Variants in MCTP1 observed in about 807,000 individuals in gnomAD.
The protein encoded by MCTP1 is multiple C2 and transmembrane domain-containing protein 1.
In MCTP1, 69 loss-of-function variants were observed where a neutral mutation model predicts 120.6. The observed-to-expected ratio is 0.57, with a 90% CI of 0.47 to 0.70. The LOEUF (loss-of-function observed/expected upper bound fraction) is 0.70, where lower values mean the gene tolerates loss of function less well. MCTP1 is among the 30% of genes least tolerant of loss of function. The pLI is 0.00. For synonymous variants in MCTP1, 529 were observed against 493.1 expected, an observed-to-expected ratio of 1.07 and a Z score of -0.96; for missense variants, 1,203 against 1,248.8, an observed-to-expected ratio of 0.96 and a Z score of 0.55.
intron 20 of MCTP1, among the ~76,000 whole-genome samples, chr5:94,712,237 T>C (rs970850608): frequency 1.3e-5 from 2 of 152,138 alleles, no homozygotes; most frequent in African/African-American, 4.8e-5. Context: ...GTAATATGTT[T>C]ATGTGAATCA....
At chr5:94,898,714 A>G (rs1040494381) in intron 10 of MCTP1, among the ~76,000 whole-genome samples, 1 of 152,260 alleles carries the variant, frequency 6.6e-6, no homozygotes, top group Admixed American at 6.5e-5. Flanking sequence ...AAAAGCATCA[A>G]AACAAATTTA....
At chr5:95,028,451 T>C (rs756069950) in intron 1 of MCTP1, among the ~76,000 whole-genome samples, 4 of 152,142 alleles carry the variant, frequency 2.6e-5, no homozygotes, top group Non-Finnish European at 4.4e-5. Context: ...ACCCAATAAA[T>C]GGCAACATTT....
At chr5:94,741,668 A>G (rs1009110782) in intron 19 of MCTP1, among the ~76,000 whole-genome samples, 2 of 152,272 alleles carry the variant, frequency 1.3e-5, no homozygotes, top group Non-Finnish European at 2.9e-5. Flanking sequence ...TAATAATTAA[A>G]TAATAGCAGC....
chr5:95,123,116 G>A (rs1354925736), intron 1 of MCTP1, among the ~76,000 whole-genome samples: 2 of 152,138 alleles, frequency 1.3e-5, no homozygotes, highest in Non-Finnish European at 2.9e-5. Flanking sequence ...AACTCAAGGA[G>A]TATAATTAAA....
chr5:94,773,902 C>T (rs992153731), intron 19 of MCTP1, among the ~76,000 whole-genome samples: 8 of 151,794 alleles, frequency 5.3e-5, no homozygotes, highest in East Asian at 1.9e-4. Flanking sequence ...TGTGCGGACA[C>T]GGCCAAATCA....
intron 1 of MCTP1, among the ~76,000 whole-genome samples, chr5:95,197,893 T>C (rs1750571197): frequency 6.6e-6 from 1 of 152,162 alleles, no homozygotes; most frequent in South Asian, 2.1e-4. Flanking sequence ...TACATTCTCC[T>C]ACGTACTTGA....
At chr5:94,735,553 A>G (rs1291887856) in intron 19 of MCTP1, among the ~76,000 whole-genome samples, 1 of 152,178 alleles carries the variant, frequency 6.6e-6, no homozygotes, top group Admixed American at 6.5e-5. Flanking sequence ...CTGGGATTAT[A>G]GGCATGAGCC....
At chr5:94,797,472 A>G (rs1211104063) in intron 18 of MCTP1, among the ~76,000 whole-genome samples, 2 of 152,212 alleles carry the variant, frequency 1.3e-5, no homozygotes, top group Non-Finnish European at 2.9e-5. Context: ...TTTCTTCCAG[A>G]AAACATCCTG....
At chr5:95,090,181 T>C (rs1050136202) in intron 1 of MCTP1, among the ~76,000 whole-genome samples, 17 of 152,384 alleles carry the variant, frequency 1.1e-4, no homozygotes, top group Middle Eastern at 3.4e-3. Flanking sequence ...TCTCTGTCAG[T>C]TACCTACTGT....
chr5:94,868,693 T>C (rs932697798), intron 16 of MCTP1, among the ~76,000 whole-genome samples: 7 of 151,986 alleles, frequency 4.6e-5, no homozygotes, highest in Admixed American at 4.6e-4. Flanking sequence ...GGACTACCTT[T>C]GCTCACAAGA....
At chr5:95,095,994 A>C (rs1756238355) in intron 1 of MCTP1, among the ~76,000 whole-genome samples, 2 of 152,162 alleles carry the variant, frequency 1.3e-5, no homozygotes, top group Non-Finnish European at 2.9e-5. Context: ...GGGAGATGGG[A>C]GTTCCACACT....
chr5:95,013,082 C>T (rs72777375), intron 2 of MCTP1, among the ~76,000 whole-genome samples: 8,885 of 152,192 alleles, frequency 0.058, 327 homozygotes, highest in Middle Eastern at 0.092. Flanking sequence ...CCCAGCCTCA[C>T]TGCTGATATA....
At chr5:94,840,684 C>T (rs159602) in intron 17 of MCTP1, among the ~76,000 whole-genome samples, 118,393 of 152,174 alleles carry the variant, frequency 0.78, 46,690 homozygotes, top group Non-Finnish European at 0.85. Flanking sequence ...GCAAGTGATT[C>T]AATCTCACTG....
At chr5:95,093,209 G>T (rs1200338807) in intron 1 of MCTP1, among the ~76,000 whole-genome samples, 1 of 152,112 alleles carries the variant, frequency 6.6e-6, no homozygotes, top group Non-Finnish European at 1.5e-5. Flanking sequence ...GTTTTTTAAT[G>T]GAAGACAAAG....
At chr5:95,201,463 G>GTTTTTTT (rs1562232022) in intron 1 of MCTP1, among the ~76,000 whole-genome samples, 4 of 120,682 alleles carry the variant, frequency 3.3e-5, no homozygotes, top group African/African-American at 6.0e-5. Context: ...AAGGAAAAGT[G>GTTTTTTT]GTTTTTTTTT....
intron 1 of MCTP1, among the ~76,000 whole-genome samples, chr5:95,212,902 A>C (rs1402625166): frequency 6.6e-6 from 1 of 152,188 alleles, no homozygotes; most frequent in Non-Finnish European, 1.5e-5. Context: ...CCCACAGCCA[A>C]TATCATACTG....
At chr5:94,977,676 A>T (rs1041623358) in intron 2 of MCTP1, among the ~76,000 whole-genome samples, 6 of 152,154 alleles carry the variant, frequency 3.9e-5, no homozygotes, top group African/African-American at 1.4e-4. Context: ...TGGTAAACTG[A>T]CCTTCAACAA....
chr5:95,019,375 A>G (rs933230875), intron 1 of MCTP1, among the ~76,000 whole-genome samples: 2 of 151,952 alleles, frequency 1.3e-5, no homozygotes, highest in African/African-American at 2.4e-5. Flanking sequence ...GAACTTACTC[A>G]TCTTACAGCT....
chr5:94,813,856 A>AG (rs981745485), intron 17 of MCTP1, among the ~76,000 whole-genome samples: 8 of 151,808 alleles, frequency 5.3e-5, no homozygotes, highest in Non-Finnish European at 8.8e-5. Flanking sequence ...TGTCTCAAAA[A>AG]ATTAAAATAA....
Sources: allele counts gnomAD v4.1 joint callset (sites outside exome capture counted in the v4.1 genomes callset), GRCh38; gene constraint gnomAD v4.1.1; transcripts MANE v1.5; gene names NCBI Gene and HGNC (gene_info 2026-07-23, HGNC 2026-07-21).